The following ANK3 variants were observed in gnomAD, a reference collection of about 807,000 sequenced individuals.
The protein encoded by ANK3 is ankyrin 3, also known as ankyrin-3.
ANK3 carries 57 observed loss-of-function variants against 370.9 expected under a neutral mutation model. That is an observed-to-expected ratio of 0.15 (90% CI 0.12 to 0.19). The LOEUF (loss-of-function observed/expected upper bound fraction) is 0.19, where lower values mean the gene tolerates loss of function less well. ANK3 is among the 10% of genes least tolerant of loss of function. ANK3 has a pLI of 1.00. For synonymous variants in ANK3, 1,929 were observed against 1,946.3 expected, an observed-to-expected ratio of 0.99 and a Z score of 0.23; for missense variants, 4,439 against 5,302.1, an observed-to-expected ratio of 0.84 and a Z score of 5.06.
chr10:60,570,368 C>G (rs1274612904), intron 2 of ANK3, among the ~76,000 whole-genome samples: 1 of 152,122 alleles, frequency 6.6e-6, no homozygotes, highest in Admixed American at 6.5e-5. Flanking sequence ...AGACTAACTT[C>G]CAACTAGGGA....
At chr10:60,357,668 T>C (rs895836921) in intron 1 of ANK3, among the ~76,000 whole-genome samples, 1 of 152,180 alleles carries the variant, frequency 6.6e-6, no homozygotes, top group Non-Finnish European at 1.5e-5. Flanking sequence ...TCTTATAAAC[T>C]TACTTAGCAA....
intron 2 of ANK3, among the ~76,000 whole-genome samples, chr10:60,538,408 T>C (rs1215626025): frequency 1.3e-5 from 2 of 151,916 alleles, no homozygotes; most frequent in Non-Finnish European, 2.9e-5. Flanking sequence ...TATCTTTTCC[T>C]TCCTTGGAAA....
intron 1 of ANK3, among the ~76,000 whole-genome samples, chr10:60,386,707 G>A (rs564638303): frequency 3.1e-4 from 47 of 152,144 alleles, no homozygotes; most frequent in South Asian, 2.3e-3. Flanking sequence ...CATACTATAC[G>A]ATTCTGTGTC....
intron 7 of ANK3, among the ~76,000 whole-genome samples, chr10:60,246,481 A>G (rs929775756): frequency 9.2e-5 from 14 of 152,128 alleles, no homozygotes; most frequent in Non-Finnish European, 2.9e-5. Flanking sequence ...GGATTTGCTG[A>G]GACTGACACC....
intron 1 of ANK3, among the ~76,000 whole-genome samples, chr10:60,685,878 A>C (rs1182393949): frequency 6.6e-6 from 1 of 152,204 alleles, no homozygotes; most frequent in East Asian, 1.9e-4. Context: ...CAAACACAAA[A>C]GAATGGGAGG....
chr10:60,439,027 AT>A (rs1007183746), intron 2 of ANK3, among the ~76,000 whole-genome samples: 1 of 152,180 alleles, frequency 6.6e-6, no homozygotes, highest in Non-Finnish European at 1.5e-5. Flanking sequence ...TTAAAATAAT[AT>A]TTTTTTCTCA....
chr10:60,260,424 C>A (rs756393124), intron 7 of ANK3, among the ~76,000 whole-genome samples: 6 of 152,200 alleles, frequency 3.9e-5, no homozygotes, highest in Non-Finnish European at 5.9e-5. Context: ...GCATTATACA[C>A]TATCTCCCTA....
chr10:60,040,409 C>T (rs997575966), intron 43 of ANK3, among the ~76,000 whole-genome samples: 1 of 152,030 alleles, frequency 6.6e-6, no homozygotes, highest in African/African-American at 2.4e-5. Flanking sequence ...TATTCTTGGA[C>T]TCATTCCCTA....
At chr10:60,321,969 A>G (rs1287745946) in intron 1 of ANK3, among the ~76,000 whole-genome samples, 2 of 152,204 alleles carry the variant, frequency 1.3e-5, no homozygotes, top group African/African-American at 4.8e-5. Context: ...ATTACTAAAA[A>G]TGATTCCCTA....
Position 60,106,034 on chromosome 10 carries a change from A to C in ANK3, c.3199T>G (p.Phe1067Val), listed in dbSNP as rs1321351866. 6.2e-7 allele frequency: 1 copy of C among 1,609,814 alleles called. No homozygotes were observed. Among genetic ancestry groups the C allele is most frequent in the Non-Finnish European group, 8.5e-7 (1 of 1,178,544 alleles). The stretch of plus-strand genomic sequence containing the variant: ...CTCTCTTTTCCTCTCATGGACCCAA[A>C]GTGAGGGATTTCCACTATGACAGGG... ...LGPVIVEIPH[F>V]GSMRGKEREL... The change falls in exon 28 of 44, where the codon TTT becomes GTT. Residue 1067 changes from phenylalanine (F) to valine (V), a missense_variant. Physicochemically the swap from Phe to Val is conservative, Grantham distance 50. This residue lies in a region of ANK3 where 702 missense variants were observed against 941.5 expected (regional missense o/e 0.75). Transcript: ENST00000280772.
chr10:60,703,381 GGA>G (rs2079570600), intron 1 of ANK3, among the ~76,000 whole-genome samples: 1 of 152,120 alleles, frequency 6.6e-6, no homozygotes, highest in South Asian at 2.1e-4. Flanking sequence ...AAATAATACA[GGA>G]GAGAGGAAAG....
At chr10:60,287,132 T>C (rs898911105) in intron 1 of ANK3, among the ~76,000 whole-genome samples, 1 of 152,178 alleles carries the variant, frequency 6.6e-6, no homozygotes, top group Non-Finnish European at 1.5e-5. Flanking sequence ...ACCTTGGGCA[T>C]GTCCTAGGCT....
At position 60,070,338 on chromosome 10, in the gene ANK3, A is replaced by T; in HGVS notation, c.10543T>A (p.Phe3515Ile). The change falls in exon 37 of 44, where the codon TTT (phenylalanine) becomes ATT (isoleucine). Residue 3515 changes from phenylalanine to isoleucine, a missense_variant. Phe to Ile is a conservative substitution (Grantham distance 21). Transcript: ENST00000280772. This position sits in a 1 kb window ranked among gnomAD's most constrained non-coding sequence, Gnocchi z 5.7. Reference protein sequence around the residue: ...LEGRHPDRSVFPDTYFSYKVD... With the variant: ...LEGRHPDRSVIPDTYFSYKVD... ...TTGTAACTGAAGTAAGTATCAGGAAACACTGATCTGTCAGGATGTCTGCCT... is the reference window on the plus strand; with the variant it reads ...TTGTAACTGAAGTAAGTATCAGGAATCACTGATCTGTCAGGATGTCTGCCT... 1 of 1,614,048 alleles carries T rather than the reference A, an allele frequency of 6.2e-7. No homozygotes were observed. Among genetic ancestry groups the T allele is most frequent in the Non-Finnish European group, 8.5e-7 (1 of 1,179,998 alleles).
intron 24 of ANK3, among the ~76,000 whole-genome samples, chr10:60,137,084 A>G (rs2094377057): frequency 2.6e-5 from 4 of 152,272 alleles, no homozygotes; most frequent in East Asian, 1.9e-4. Context: ...TACTTCATGC[A>G]CTATACAAAA....
intron 2 of ANK3, among the ~76,000 whole-genome samples, chr10:60,564,235 A>G (rs1249674624): frequency 6.6e-6 from 1 of 152,216 alleles, no homozygotes; most frequent in Non-Finnish European, 1.5e-5. Context: ...ATGTAAGACT[A>G]AGAGAAAAAA....
At chr10:60,284,449 A>G (rs1163653631) in intron 1 of ANK3, among the ~76,000 whole-genome samples, 1 of 152,170 alleles carries the variant, frequency 6.6e-6, no homozygotes, top group Non-Finnish European at 1.5e-5. Context: ...TCCCAGGGAC[A>G]CAGAGCTTGT....
chr10:60,167,074 T>C (rs1407679465), intron 21 of ANK3, among the ~76,000 whole-genome samples, 178 bp from the exon 22 acceptor site: 1 of 152,212 alleles, frequency 6.6e-6, no homozygotes, highest in African/African-American at 2.4e-5. Flanking sequence ...GTTGTCACCA[T>C]ATACAAAGCA....
intron 2 of ANK3, among the ~76,000 whole-genome samples, chr10:60,446,469 A>C (rs1437016750): frequency 1.3e-5 from 2 of 152,152 alleles, no homozygotes; most frequent in African/African-American, 4.8e-5. Flanking sequence ...AGCATGACTT[A>C]GTATGAGTTC....
At chr10:60,613,302 T>C (rs2133320313) in intron 2 of ANK3, among the ~76,000 whole-genome samples, 1 of 152,194 alleles carries the variant, frequency 6.6e-6, no homozygotes, top group Non-Finnish European at 1.5e-5. Context: ...ATCAAATGAG[T>C]TTGGGATAAG....
Sources: gnomAD v4.1 joint callset for allele counts (sites outside exome capture counted in the v4.1 genomes callset) on GRCh38, gnomAD v4.1.1 for gene constraint, gnomAD v4.1.1 regional missense constraint, Gnocchi (gnomAD v3.1) non-coding constraint, MANE v1.5 for transcripts, NCBI Gene and HGNC (gene_info 2026-07-23, HGNC 2026-07-21) for gene names.